The following RBL1 variants were observed in gnomAD, a reference collection of about 807,000 sequenced individuals.
The protein encoded by RBL1 is retinoblastoma-like protein 1.
A neutral mutation model predicts 123.0 loss-of-function variants in RBL1; 82 were observed. The observed-to-expected ratio is 0.67, with a 90% CI of 0.56 to 0.80. RBL1 has a LOEUF of 0.80. RBL1 is among the 30% of genes least tolerant of loss of function. The probability of loss-of-function intolerance (pLI) is 0.00; values close to 1 mark genes in which losing one functional copy is unlikely to be tolerated. For missense variants in RBL1, 1,171 were observed against 1,299.6 expected (o/e 0.90, Z 1.52); for synonymous variants, 405 against 441.3 (o/e 0.92, Z 1.03).
intron 17 of RBL1, among the ~76,000 whole-genome samples, chr20:37,022,383 G>T (rs753394494): frequency 3.3e-5 from 5 of 152,212 alleles, no homozygotes; most frequent in African/African-American, 1.2e-4. Flanking sequence ...CTGAGGTACA[G>T]TGTCATGATC....
rs199721705 is a variant in RBL1 at position 37,058,139 on chromosome 20, A to C, written c.1251-1881T>G. ...CTAAAAAAAAAAAAAACAAAACAAA[A>C]CAAAAAAAAAAAAGCCTATTCCAGG... is the stretch of plus-strand genomic sequence containing the variant. On this transcript the variant is annotated intron_variant, in intron 9 of 21. Coordinates refer to ENST00000373664, the MANE Select transcript of RBL1 (RefSeq NM_002895.5). 5.9e-4 allele frequency among the ~76,000 whole-genome samples: 43 copies of C among 72,678 alleles called. 1 individual carries two copies. Among genetic ancestry groups the C allele is most frequent in the African/African-American group, 3.7e-3 (30 of 8,186 alleles). The allele number at this position is 72,678 out of a possible 152,430, so 47.7% of individuals were successfully genotyped here. A position where few individuals can be genotyped will look rare whatever the true frequency, so the allele number is the denominator to read the frequency against.
At chr20:37,075,921 GTGT>G (rs1209920996) in intron 2 of RBL1, among the ~76,000 whole-genome samples, 1 of 152,162 alleles carries the variant, frequency 6.6e-6, no homozygotes, top group African/African-American at 2.4e-5. Context: ...TTGTGTGAAG[GTGT>G]TGTTTTTTAA....
intron 2 of RBL1, among the ~76,000 whole-genome samples, chr20:37,087,153 G>A (rs1462779694): frequency 6.6e-6 from 1 of 152,138 alleles, no homozygotes; most frequent in African/African-American, 2.4e-5. Flanking sequence ...TGGCTAATAT[G>A]GTGAATCCAC....
intron 13 of RBL1, among the ~76,000 whole-genome samples, chr20:37,042,905 T>A (rs2425322): frequency 2.7e-4 from 18 of 67,194 alleles, no homozygotes; most frequent in South Asian, 2.2e-3. Flanking sequence ...TCCCCCCCCC[T>A]CCAAAAAAAA....
At chr20:37,056,328 G>T in intron 9 of RBL1, 70 bp from the exon 10 acceptor site, 5 of 940,030 alleles carry the variant, frequency 5.3e-6, no homozygotes, top group Non-Finnish European at 4.4e-6. Context: ...CTCCACACCA[G>T]AATACTAACA....
At chr20:37,066,100 A>G (rs930147131) in intron 6 of RBL1, among the ~76,000 whole-genome samples, 7 of 152,218 alleles carry the variant, frequency 4.6e-5, no homozygotes, top group African/African-American at 1.7e-4. Context: ...GGGATCCATA[A>G]TCCAAACCCC....
At chr20:37,010,265 T>C (rs950604045) in intron 19 of RBL1, among the ~76,000 whole-genome samples, 3 of 151,796 alleles carry the variant, frequency 2.0e-5, no homozygotes, top group African/African-American at 4.8e-5. Context: ...CTGATGAAAA[T>C]AGTGAATGTT....
intron 15 of RBL1, 126 bp from the exon 16 acceptor site, chr20:37,033,002 A>C: frequency 1.6e-6 from 2 of 1,261,968 alleles, no homozygotes; most frequent in Non-Finnish European, 2.1e-6. Context: ...TAGTAATTCT[A>C]GGTTATGACT....
intron 10 of RBL1, 140 bp from the exon 11 acceptor site, chr20:37,055,796 C>T (rs2064994074): frequency 2.3e-6 from 2 of 884,140 alleles, no homozygotes; most frequent in African/African-American, 3.4e-5. Context: ...CGCCTGTAAT[C>T]CTAGCACTTT....
chr20:37,035,482 C>A lies in RBL1; in HGVS notation c.1930G>T (p.Val644Phe). The change falls in exon 15 of 22, where the codon GTC (valine) becomes TTC (phenylalanine). Residue 644 changes from valine (V) to phenylalanine (F), a missense_variant. Val to Phe is a conservative substitution (Grantham distance 50, BLOSUM62 -1). Coordinates refer to ENST00000373664, the MANE Select transcript of RBL1 (RefSeq NM_002895.5). Reference sequence around the variant, plus strand: ...GTAGGAGAACTGTAGCGTTCATGGACAGAAATTGGAGACAATGGTTGCATA... The same window carrying A: ...GTAGGAGAACTGTAGCGTTCATGGAAAGAAATTGGAGACAATGGTTGCATA... ...RDMQPLSPIS[V>F]HERYSSPTAG... 1 of 1,588,770 alleles carries A rather than the reference C, an allele frequency of 6.3e-7. No individual in the cohort carries two copies. The highest frequency in any genetic ancestry group is 8.6e-7 in the Non-Finnish European group (1 of 1,168,252).
rs770265495 is a variant in RBL1, at chr20:37,020,727, T to G, written c.2563A>C (p.Thr855Pro). 1.3e-6 allele frequency: 2 copies of G among 1,569,686 alleles called. No individual in the cohort carries two copies. The highest frequency in any genetic ancestry group is 2.7e-5 in the African/African-American group (2 of 74,010). The change falls in exon 18 of 22, where the codon ACA becomes CCA. Residue 855 changes from threonine (T) to proline (P), a missense_variant. Coordinates refer to ENST00000373664, the MANE Select transcript of RBL1 (RefSeq NM_002895.5). ...TCTTGAAAAGTTCTTTCTTCTTTTG[T>G]TACCTAAGGAAAATAAAAACCGCAT... ...LCAFYIMAKV[T>P]KEERTFQEIM...
Position 37,035,422 on chromosome 20 carries a change from C to G in RBL1, c.1990G>C (p.Asp664His). Residue 664 changes from aspartate to histidine, a missense_variant, in exon 15 of 22, where the codon GAC (aspartate) becomes CAC (histidine). Transcript: ENST00000373664. The part of the protein sequence containing the change: ...GSAKRRLFGE[D>H]PPKEMLMDKI... Reference sequence around the variant, plus strand: ...TCCATAAGCATTTCCTTTGGGGGGTCCTCTCCAAAGAGTCTTCTCTTAGCA... The same window carrying G: ...TCCATAAGCATTTCCTTTGGGGGGTGCTCTCCAAAGAGTCTTCTCTTAGCA... 6.2e-7 allele frequency: 1 copy of G among 1,613,918 alleles called. No individual in the cohort carries two copies. The highest frequency in any genetic ancestry group is 8.5e-7 in the Non-Finnish European group (1 of 1,179,850).
intron 11 of RBL1, among the ~76,000 whole-genome samples, chr20:37,050,087 G>GA (rs1255580651): frequency 6.7e-6 from 1 of 150,188 alleles, no homozygotes; most frequent in African/African-American, 2.4e-5. Flanking sequence ...GAGAGAGAGA[G>GA]AAAAAAAATG....
At chr20:37,079,968 A>G (rs544422610) in intron 2 of RBL1, among the ~76,000 whole-genome samples, 1 of 152,326 alleles carries the variant, frequency 6.6e-6, no homozygotes, top group Non-Finnish European at 1.5e-5. Flanking sequence ...GAAAGAATTC[A>G]GGACTTAGTC....
chr20:37,045,093 T>C lies in RBL1; in HGVS notation c.1606-843A>G, dbSNP rs181894377. Among the ~76,000 whole-genome samples the C allele has an allele frequency of 4.2e-3, 616 of 147,130 alleles. 2 individuals are homozygous for C. The highest frequency in any genetic ancestry group is 0.013 in the African/African-American group (514 of 38,716). On this transcript the variant is annotated intron_variant, in intron 12 of 21. Transcript: ENST00000373664. ...TCACATTTATTTACTTATTTATTTA[T>C]TTATTTATTTATTTATTTATTTATT... is the stretch of plus-strand genomic sequence containing the variant.
intron 16 of RBL1, among the ~76,000 whole-genome samples, chr20:37,023,646 G>GT (rs886084933): frequency 1.6e-4 from 24 of 151,572 alleles, no homozygotes; most frequent in Admixed American, 4.6e-4. Context: ...CAAAGTTGTT[G>GT]TTTTTTTTAA....
intron 2 of RBL1, among the ~76,000 whole-genome samples, chr20:37,077,314 G>A (rs960735694): frequency 4.6e-5 from 7 of 152,160 alleles, no homozygotes; most frequent in Admixed American, 1.3e-4. Context: ...GCTGGGCCAC[G>A]ATGCCCAGAT....
intron 19 of RBL1, among the ~76,000 whole-genome samples, chr20:37,009,483 G>A (rs1008055462): frequency 1.4e-4 from 21 of 151,752 alleles, no homozygotes; most frequent in Middle Eastern, 3.4e-3. Flanking sequence ...TCAGTCTCCC[G>A]AGTAGCTGGG....
chr20:37,083,434 A>G (rs1000829763), intron 2 of RBL1, among the ~76,000 whole-genome samples: 1 of 151,196 alleles, frequency 6.6e-6, no homozygotes, highest in Non-Finnish European at 1.5e-5. Context: ...GCGACAATGC[A>G]CTCCAGCCTG....
Sources: gnomAD v4.1 joint callset for allele counts (sites outside exome capture counted in the v4.1 genomes callset) on GRCh38, gnomAD v4.1.1 for gene constraint, MANE v1.5 for transcripts, NCBI Gene and HGNC (gene_info 2026-07-23, HGNC 2026-07-21) for gene names.